The following IKZF3 variants were observed in gnomAD, a reference collection of about 807,000 sequenced individuals.
IKZF3 encodes zinc finger protein Aiolos.
IKZF3 carries 10 observed loss-of-function variants against 49.0 expected under a neutral mutation model. The observed-to-expected ratio is 0.20, with a 90% CI of 0.13 to 0.35. The LOEUF (loss-of-function observed/expected upper bound fraction) is 0.35. Ranked by LOEUF, IKZF3 falls within the 10% of genes least tolerant of loss-of-function variation. The pLI, the probability that IKZF3 is intolerant of heterozygous loss-of-function variation, is 1.00. For missense variants in IKZF3, 498 were observed against 664.8 expected (o/e 0.75, Z 2.76); for synonymous variants, 209 against 228.2 (o/e 0.92, Z 0.76).
chr17:39,804,476 G>T (rs1389739747), intron 3 of IKZF3, among the ~76,000 whole-genome samples: 1 of 151,630 alleles, frequency 6.6e-6, no homozygotes, highest in Non-Finnish European at 1.5e-5. Flanking sequence ...TTGAATGAAT[G>T]AATGAATGAA....
chr17:39,776,450 A>C (rs186234194), intron 7 of IKZF3, among the ~76,000 whole-genome samples: 2 of 152,310 alleles, frequency 1.3e-5, no homozygotes, highest in Admixed American at 6.5e-5. Flanking sequence ...TGCTCCCCTG[A>C]CATGTCTCAC....
intron 7 of IKZF3, among the ~76,000 whole-genome samples, chr17:39,772,672 T>C (rs2143649583): frequency 6.6e-6 from 1 of 152,298 alleles, no homozygotes; most frequent in South Asian, 2.1e-4. Context: ...ATTTGGTTGC[T>C]GCAGAAGTCT....
intron 3 of IKZF3, among the ~76,000 whole-genome samples, chr17:39,815,130 C>T (rs1042117485): frequency 6.6e-6 from 1 of 152,178 alleles, no homozygotes; most frequent in Non-Finnish European, 1.5e-5. Flanking sequence ...AAAATACTAT[C>T]GGCAAATGCA....
chr17:39,814,641 T>C (rs2061637443), intron 3 of IKZF3, among the ~76,000 whole-genome samples: 1 of 151,566 alleles, frequency 6.6e-6, no homozygotes, highest in Non-Finnish European at 1.5e-5. Flanking sequence ...CCCACAGAGA[T>C]GAAGCCCACG....
At chr17:39,838,161 T>G (rs2062356870) in intron 1 of IKZF3, among the ~76,000 whole-genome samples, 1 of 152,220 alleles carries the variant, frequency 6.6e-6, no homozygotes, top group African/African-American at 2.4e-5. Flanking sequence ...TTCACCAAAC[T>G]TAAGAAATTT....
intron 2 of IKZF3, among the ~76,000 whole-genome samples, chr17:39,830,390 T>C (rs1394665986): frequency 1.3e-5 from 2 of 152,148 alleles, no homozygotes; most frequent in South Asian, 4.1e-4. Flanking sequence ...CTTTGAGATA[T>C]AGATAAGAGA....
intron 5 of IKZF3, among the ~76,000 whole-genome samples, chr17:39,789,151 C>T (rs778171579): frequency 2.0e-5 from 3 of 152,084 alleles, no homozygotes; most frequent in Non-Finnish European, 2.9e-5. Flanking sequence ...AAAAATAGGC[C>T]GGGCGCAGTG....
chr17:39,782,601 C>G (rs149882281), intron 6 of IKZF3, among the ~76,000 whole-genome samples: 1 of 152,278 alleles, frequency 6.6e-6, no homozygotes, highest in East Asian at 1.9e-4. Flanking sequence ...GACTTGTTAT[C>G]TTGCCACTTC....
chr17:39,850,954 ACGTATATTATATACG>A, intron 1 of IKZF3, among the ~76,000 whole-genome samples: 2 of 140,318 alleles, frequency 1.4e-5, no homozygotes, highest in Non-Finnish European at 3.0e-5. Flanking sequence ...TATTATATAC[ACGTATATTATATACG>A]TGTATATATT....
At chr17:39,770,997 A>G (rs190140274) in intron 7 of IKZF3, among the ~76,000 whole-genome samples, 3 of 152,276 alleles carry the variant, frequency 2.0e-5, no homozygotes, top group Non-Finnish European at 2.9e-5. Flanking sequence ...CTTTTAAGGT[A>G]TGAATTATCA....
chr17:39,829,560 C>A (rs1034795815), intron 2 of IKZF3, 72 bp from the exon 3 acceptor site: 1 of 1,030,906 alleles, frequency 9.7e-7, no homozygotes, highest in Non-Finnish European at 1.5e-6. Context: ...ATTAAGTAGA[C>A]CCCCATTTAA....
intron 3 of IKZF3, among the ~76,000 whole-genome samples, chr17:39,795,538 C>T (rs2061140150): frequency 6.6e-6 from 1 of 151,986 alleles, no homozygotes; most frequent in Admixed American, 6.5e-5. Context: ...TCCCGAGTAG[C>T]TGGGATTACA....
At position 39,763,729 on chromosome 17, in the gene IKZF3, A is replaced by G. The variant is rs2060227983; in HGVS notation, c.*2061T>C. 6.6e-6 allele frequency: 1 copy of G among 152,242 alleles called. No individual in the cohort carries two copies. Among genetic ancestry groups the G allele is most frequent in the East Asian group, 1.9e-4 (1 of 5,196 alleles). 9.4% of individuals were successfully genotyped at this position (152,242 alleles called of 1,614,324 possible). A position where few individuals can be genotyped will look rare whatever the true frequency, so the allele number is the denominator to read the frequency against. ...TATCCATACATTAGGAGGTTTAAAAAATACCTTGTGGTTACTGCATAATCA... is the reference window on the plus strand; with the variant it reads ...TATCCATACATTAGGAGGTTTAAAAGATACCTTGTGGTTACTGCATAATCA... On this transcript the variant is annotated 3_prime_UTR_variant, in exon 8 of 8. Transcript: ENST00000346872.
chr17:39,814,777 C>T (rs777582084), intron 3 of IKZF3, among the ~76,000 whole-genome samples: 1 of 152,154 alleles, frequency 6.6e-6, no homozygotes, highest in Non-Finnish European at 1.5e-5. Flanking sequence ...CATGGTCCTG[C>T]TGACATCTTA....
At chr17:39,853,196 T>C (rs1311425091) in intron 1 of IKZF3, among the ~76,000 whole-genome samples, 2 of 152,140 alleles carry the variant, frequency 1.3e-5, no homozygotes, top group Non-Finnish European at 2.9e-5. Flanking sequence ...CCAAATTCCA[T>C]AAGGGCCAAA....
chr17:39,811,279 A>T (rs1333936962), intron 3 of IKZF3, among the ~76,000 whole-genome samples: 5 of 151,150 alleles, frequency 3.3e-5, no homozygotes, highest in Non-Finnish European at 1.5e-5. Context: ...AAAGAGGGAG[A>T]AAGGGAGGAA....
At chr17:39,808,059 TAAACA>T (rs1568004542) in intron 3 of IKZF3, among the ~76,000 whole-genome samples, 3 of 152,098 alleles carry the variant, frequency 2.0e-5, no homozygotes, top group African/African-American at 7.2e-5. Flanking sequence ...TCTATACAGA[TAAACA>T]AAACAAAATA....
chr17:39,860,293 T>C (rs888062115), intron 1 of IKZF3, among the ~76,000 whole-genome samples: 5 of 151,904 alleles, frequency 3.3e-5, no homozygotes, highest in Non-Finnish European at 7.4e-5. Flanking sequence ...CTACCAATAA[T>C]CAATAATCTT....
At chr17:39,844,520 T>A (rs988439968) in intron 1 of IKZF3, among the ~76,000 whole-genome samples, 1 of 152,224 alleles carries the variant, frequency 6.6e-6, no homozygotes, top group East Asian at 1.9e-4. Flanking sequence ...TTACCCTACA[T>A]AAAATGTCAT....
Sources: allele counts gnomAD v4.1 joint callset (sites outside exome capture counted in the v4.1 genomes callset), GRCh38; gene constraint gnomAD v4.1.1; transcripts MANE v1.5; gene names NCBI Gene and HGNC (gene_info 2026-07-23, HGNC 2026-07-21).